The following TOB2 variants were observed in gnomAD, a reference collection of about 807,000 sequenced individuals.
TOB2 encodes the protein transducer of ERBB2, 2, also known as protein Tob2.
A neutral mutation model predicts 17.3 loss-of-function variants in TOB2; 3 were observed. The ratio of observed to expected loss-of-function variants is 0.17; its 90% CI spans 0.08 to 0.45. The LOEUF (loss-of-function observed/expected upper bound fraction) is 0.45, where lower values mean the gene tolerates loss of function less well. TOB2 is among the 20% of genes least tolerant of loss of function. TOB2 has a pLI of 0.99. For missense variants in TOB2, 407 were observed against 445.7 expected (o/e 0.91, Z 0.78); for synonymous variants, 163 against 185.6 (o/e 0.88, Z 0.99).
chr22:41,446,230 T>G, intron 1 of TOB2, 149 bp downstream of exon 1: 1 of 152,348 alleles, frequency 6.6e-6, no homozygotes, highest in East Asian at 1.9e-4. Flanking sequence ...GGAAGCTGGA[T>G]GGGGAAAGAA....
chr22:41,440,532 C>T (rs1784056584), intron 1 of TOB2, among the ~76,000 whole-genome samples: 1 of 151,464 alleles, frequency 6.6e-6, no homozygotes, highest in Admixed American at 6.6e-5. Context: ...CTTCAGCCTC[C>T]AAGTAGCTGG....
In TOB2 at chr22:41,436,781, T is replaced by C; in HGVS notation, c.565A>G (p.Thr189Ala). Residue 189 changes from threonine (T) to alanine (A), a missense_variant, in exon 2 of 2, where the codon ACT becomes GCT. Transcript: ENST00000327492. The surrounding 1 kb of genome is among the most constrained non-coding windows in gnomAD (Gnocchi z 4.8). ...ASFAATKFGS[T>A]KMKKGGGAAS... ...GCCCCGCCCCCCTTCTTCATCTTAGTGGAGCCAAATTTGGTGGCAGCGAAG... is the reference window on the plus strand; with the variant it reads ...GCCCCGCCCCCCTTCTTCATCTTAGCGGAGCCAAATTTGGTGGCAGCGAAG... The C allele has an allele frequency of 6.2e-7, 1 of 1,613,918 alleles. No homozygotes were observed. The highest frequency in any genetic ancestry group is 8.5e-7 in the Non-Finnish European group (1 of 1,179,914).
At chr22:41,444,187 A>T (rs1228324584) in intron 1 of TOB2, among the ~76,000 whole-genome samples, 2 of 152,176 alleles carry the variant, frequency 1.3e-5, no homozygotes, top group Non-Finnish European at 2.9e-5. Flanking sequence ...TTGGTGAGAC[A>T]CGGGATCCGC....
Position 41,436,106 on chromosome 22 carries a change from G to T in TOB2, c.*205C>A. ...CCAACCAAATAAATCACAGGCCGGT[G>T]GGCGAGCGGTAAGGGGTGAGTGAAA... On this transcript the variant is annotated 3_prime_UTR_variant, in exon 2 of 2. Coordinates refer to ENST00000327492, the MANE Select transcript of TOB2 (RefSeq NM_016272.4). This position sits in a 1 kb window ranked among gnomAD's most constrained non-coding sequence, Gnocchi z 4.8. The T allele has an allele frequency of 2.0e-6, 1 of 490,462 alleles. No homozygotes were observed. The highest frequency in any genetic ancestry group is 3.4e-6 in the Non-Finnish European group (1 of 298,324). The allele number at this position is 490,462 out of a possible 1,614,324, so 30.4% of individuals were successfully genotyped here. A position where few individuals can be genotyped will look rare whatever the true frequency, so the allele number is the denominator to read the frequency against.
In TOB2 at chr22:41,437,090, C is replaced by T. The variant is rs1183972011; in HGVS notation, c.256G>A (p.Val86Met). Residue 86 changes from valine (V) to methionine (M), a missense_variant, in exon 2 of 2, where the codon GTG (valine) becomes ATG (methionine). By Grantham distance (21) the Val-to-Met change is conservative. Transcript: ENST00000327492. ...ATCCAGACACTCAGCTCCTCAGGCA[C>T]ATTGGCCCGCACATCTTCCACCGCC... is the stretch of plus-strand genomic sequence containing the variant. ...GLAVEDVRAN[V>M]PEELSVWIDP... 6.2e-7 allele frequency: 1 copy of T among 1,614,170 alleles called. No homozygotes were observed. The highest frequency in any genetic ancestry group is 8.5e-7 in the Non-Finnish European group (1 of 1,180,018).
At position 41,440,307 on chromosome 22, in the gene TOB2, C is replaced by T. The variant is rs564017965; in HGVS notation, c.-62-2900G>A. Among the ~76,000 whole-genome samples, 77 of 148,138 alleles carry T rather than the reference C, an allele frequency of 5.2e-4. 1 individual carries two copies. The highest frequency in any genetic ancestry group is 7.6e-3 in the Middle Eastern group (2 of 264). On this transcript the variant is annotated intron_variant, in intron 1 of 1. Transcript: ENST00000327492. ...TAATTTTTTTTTTTTTCAGTAGAGA[C>T]GGGGTTTCCCCATGTTGGCCAGGAT...
At position 41,446,778 on chromosome 22, in the gene TOB2, C is replaced by T. The variant is rs1025126199; in HGVS notation, c.-462G>A. 1 of 152,916 alleles carries T rather than the reference C, an allele frequency of 6.5e-6. No homozygotes were observed. Among genetic ancestry groups the T allele is most frequent in the Non-Finnish European group, 1.5e-5 (1 of 68,622 alleles). 9.5% of individuals were successfully genotyped at this position (152,916 alleles called of 1,614,324 possible). A position where few individuals can be genotyped will look rare whatever the true frequency, so the allele number is the denominator to read the frequency against. ...TGCCTCAGCCAACAACCCGCACCTT[C>T]CCGCGCCCCGGCCCGAAGTGAGCAA... On this transcript the variant is annotated 5_prime_UTR_variant, in exon 1 of 2. Coordinates refer to ENST00000327492, the MANE Select transcript of TOB2 (RefSeq NM_016272.4).
In TOB2 at chr22:41,436,491, C is replaced by A; in HGVS notation, c.855G>T (p.Pro285=). 6.2e-7 allele frequency: 1 copy of A among 1,613,800 alleles called. No individual in the cohort carries two copies. Among genetic ancestry groups the A allele is most frequent in the Non-Finnish European group, 8.5e-7 (1 of 1,179,848 alleles). ...ADGQGSGTPG[P]FGGSGAGTCN... is the part of the protein sequence containing the mutation. ...AGGTGCCAGCCCCACTGCCTCCAAACGGGCCTGGGGTGCCGCTGCCCTGGC... is the reference window on the plus strand; with the variant it reads ...AGGTGCCAGCCCCACTGCCTCCAAAAGGGCCTGGGGTGCCGCTGCCCTGGC... Residue 285 remains proline (P), a synonymous_variant, in exon 2 of 2, where the codon CCG becomes CCT. Transcript: ENST00000327492. The surrounding 1 kb of genome is among the most constrained non-coding windows in gnomAD (Gnocchi z 4.8).
chr22:41,438,222 A>G (rs984915445), intron 1 of TOB2, among the ~76,000 whole-genome samples: 7 of 152,190 alleles, frequency 4.6e-5, no homozygotes, highest in African/African-American at 1.7e-4. Flanking sequence ...ACTGAACAGG[A>G]AAGAGCACTG....
rs2037552746 is a variant in TOB2 at position 41,436,676 on chromosome 22, T to A, written c.670A>T (p.Thr224Ser). 1 of 1,613,848 alleles carries A rather than the reference T, an allele frequency of 6.2e-7. No homozygotes were observed. The highest frequency in any genetic ancestry group is 8.5e-7 in the Non-Finnish European group (1 of 1,179,982). ...CTCTTGTGCTTCAGCAGGCTGTTGGTGGGTGAGCGGGCCATGCGAGGCTGC... is the reference window on the plus strand; with the variant it reads ...CTCTTGTGCTTCAGCAGGCTGTTGGAGGGTGAGCGGGCCATGCGAGGCTGC... ...PQQPRMARSP[T>S]NSLLKHKSLS... The change falls in exon 2 of 2, where the codon ACC becomes TCC. Residue 224 changes from threonine to serine, a missense_variant. By Grantham distance (58) the Thr-to-Ser change is moderately conservative. Coordinates refer to ENST00000327492, the MANE Select transcript of TOB2 (RefSeq NM_016272.4). This position sits in a 1 kb window ranked among gnomAD's most constrained non-coding sequence, Gnocchi z 4.8.
chr22:41,437,339 G>C lies in TOB2; in HGVS notation c.7C>G (p.Leu3Val). MQ[L>V]EIKVALNFII... is the part of the protein sequence containing the mutation. ...AAGTTCAGGGCCACTTTGATCTCTAGCTGCATGGTCCTTTCCTAGGCAGAG... is the reference window on the plus strand; with the variant it reads ...AAGTTCAGGGCCACTTTGATCTCTACCTGCATGGTCCTTTCCTAGGCAGAG... The change falls in exon 2 of 2, where the codon CTA becomes GTA. Residue 3 changes from leucine (L) to valine (V), a missense_variant. Leu to Val is a conservative substitution (Grantham distance 32). Transcript: ENST00000327492. The C allele has an allele frequency of 4.3e-6, 7 of 1,612,428 alleles. No homozygotes were observed. The highest frequency in any genetic ancestry group is 5.9e-6 in the Non-Finnish European group (7 of 1,179,386).
chr22:41,444,943 G>A (rs1232000095), intron 1 of TOB2, among the ~76,000 whole-genome samples: 1 of 152,152 alleles, frequency 6.6e-6, no homozygotes, highest in African/African-American at 2.4e-5. Flanking sequence ...CTGGATGGAC[G>A]GTGGATTCAA....
intron 1 of TOB2, among the ~76,000 whole-genome samples, chr22:41,444,457 G>A (rs73887709): frequency 0.012 from 1,777 of 152,284 alleles, 38 homozygotes; most frequent in African/African-American, 0.041. Flanking sequence ...GTGAGGGCCC[G>A]CTCTGCACTC....
At chr22:41,445,384 T>C (rs2037672575) in intron 1 of TOB2, among the ~76,000 whole-genome samples, 1 of 152,256 alleles carries the variant, frequency 6.6e-6, no homozygotes, top group East Asian at 1.9e-4. Context: ...CACGGAGGGA[T>C]GGGGGTAGAA....
intron 1 of TOB2, among the ~76,000 whole-genome samples, chr22:41,440,047 C>T (rs1377052811): frequency 6.6e-6 from 1 of 152,182 alleles, no homozygotes; most frequent in Non-Finnish European, 1.5e-5. Context: ...CCTGGTTTCC[C>T]TCTTTTCCCA....
At chr22:41,443,539 C>T (rs538331064) in intron 1 of TOB2, among the ~76,000 whole-genome samples, 76 of 150,880 alleles carry the variant, frequency 5.0e-4, no homozygotes, top group Admixed American at 2.3e-3. Context: ...AGGCTGGTCT[C>T]GAAATCTTGA....
Position 41,435,286 on chromosome 22 carries a change from T to C in TOB2, c.*1025A>G, listed in dbSNP as rs1024435673. ...CAAACCAGTTCCTTCTGCAGTGTTT[T>C]CCTCTGGGAGTGTCTTGGGCTAAGC... On this transcript the variant is annotated 3_prime_UTR_variant, in exon 2 of 2. Transcript: ENST00000327492. The C allele has an allele frequency of 1.2e-4, 18 of 152,342 alleles. No individual in the cohort carries two copies. The highest frequency in any genetic ancestry group is 2.2e-4 in the Non-Finnish European group (15 of 68,038). 9.4% of individuals were successfully genotyped at this position (152,342 alleles called of 1,614,324 possible).
intron 1 of TOB2, among the ~76,000 whole-genome samples, chr22:41,440,309 G>C (rs1326449726): frequency 6.6e-6 from 1 of 150,994 alleles, no homozygotes; most frequent in South Asian, 2.1e-4. Flanking sequence ...AGTAGAGACG[G>C]GGTTTCCCCA....
chr22:41,434,948 CAAG>C lies in TOB2; in HGVS notation c.*1360_*1362del, dbSNP rs1338678920. ...AGTGAGAAGGGGTGGCAAGAGGTAC[CAAG>C]AAGCTCTCAACCAGGCAGGGGCACA... On this transcript the variant is annotated 3_prime_UTR_variant, in exon 2 of 2. Coordinates refer to ENST00000327492, the MANE Select transcript of TOB2 (RefSeq NM_016272.4). 1.3e-5 allele frequency: 2 copies of C among 153,038 alleles called. No individual in the cohort carries two copies. Among genetic ancestry groups the C allele is most frequent in the African/African-American group, 2.4e-5 (1 of 41,412 alleles). 9.5% of individuals were successfully genotyped at this position (153,038 alleles called of 1,614,324 possible).
Sources: allele counts gnomAD v4.1 joint callset (sites outside exome capture counted in the v4.1 genomes callset), GRCh38; gene constraint gnomAD v4.1.1; non-coding constraint Gnocchi (gnomAD v3.1); transcripts MANE v1.5; gene names NCBI Gene and HGNC (gene_info 2026-07-23, HGNC 2026-07-21).